Variants in MOXD1 observed in about 807,000 individuals in gnomAD.
MOXD1 encodes monooxygenase DBH like 1.
In MOXD1, 62 loss-of-function variants were observed where a neutral mutation model predicts 66.6. That is an observed-to-expected ratio of 0.93 (90% CI 0.76 to 1.15). The LOEUF is 1.15. MOXD1 is among the 50% of genes most tolerant of loss of function. The pLI is 0.00. For synonymous variants in MOXD1, 303 were observed against 281.9 expected (o/e 1.07, Z -0.75); for missense variants, 847 against 754.6 (o/e 1.12, Z -1.44).
chr6:132,363,548 G>A (rs983634967), intron 4 of MOXD1, among the ~76,000 whole-genome samples: 2 of 151,926 alleles, frequency 1.3e-5, no homozygotes, highest in African/African-American at 4.8e-5. Context: ...GAAGTAGAAG[G>A]CTAGCAAAAT....
chr6:132,319,851 C>G (rs1775039473), intron 9 of MOXD1, among the ~76,000 whole-genome samples: 1 of 152,024 alleles, frequency 6.6e-6, no homozygotes, highest in African/African-American at 2.4e-5. Context: ...CCCCTGTCAA[C>G]AATAAACTTG....
At position 132,359,655 on chromosome 6, in the gene MOXD1, T is replaced by G. The variant is rs188810748; in HGVS notation, c.663+12953A>C. On this transcript the variant is annotated intron_variant, in intron 4 of 11. Transcript: ENST00000367963. ...GCGCCCGCCACGAAGCCCGGCTAAT[T>G]TTTTGTATTTTTAGTAGAGGCGGGG... Among the ~76,000 whole-genome samples, 611 of 152,052 alleles carry G rather than the reference T, an allele frequency of 4.0e-3. 5 individuals carry two copies. Among genetic ancestry groups the G allele is most frequent in the African/African-American group, 0.014 (590 of 41,494 alleles).
At chr6:132,370,433 A>G (rs1776242034) in intron 4 of MOXD1, among the ~76,000 whole-genome samples, 1 of 152,158 alleles carries the variant, frequency 6.6e-6, no homozygotes. Flanking sequence ...TTTTTTCAGT[A>G]GAGTTTTCTT....
chr6:132,359,390 A>G (rs946806625), intron 4 of MOXD1, among the ~76,000 whole-genome samples: 1 of 152,044 alleles, frequency 6.6e-6, no homozygotes, highest in African/African-American at 2.4e-5. Flanking sequence ...ACTTTAAAGA[A>G]CTAAATGGTT....
In MOXD1 at chr6:132,390,946, T is replaced by A. The variant is rs1776747664; in HGVS notation, c.264+10217A>T. Reference sequence around the variant, plus strand: ...TGTTTAAAATGTATCTGATTATACATGTTCTTTCACTATTTAGGAGGAAAA... The same window carrying A: ...TGTTTAAAATGTATCTGATTATACAAGTTCTTTCACTATTTAGGAGGAAAA... On this transcript the variant is annotated intron_variant, in intron 1 of 11. Transcript: ENST00000367963. 1.3e-5 allele frequency: 2 copies of A among 151,594 alleles called. 1 individual carries two copies. The allele number at this position is 151,594 out of a possible 1,614,324, so 9.4% of individuals were successfully genotyped here. A position where few individuals can be genotyped will look rare whatever the true frequency, so the allele number is the denominator to read the frequency against.
chr6:132,297,979 T>C (rs372701030), intron 10 of MOXD1, 24 bp from the exon 11 acceptor site: 486 of 1,587,614 alleles, frequency 3.1e-4, no homozygotes, highest in Non-Finnish European at 3.8e-4. Flanking sequence ...ACACAGTTAG[T>C]CATATTCAGA....
intron 4 of MOXD1, among the ~76,000 whole-genome samples, chr6:132,330,036 C>T (rs1421637786): frequency 6.6e-6 from 1 of 152,146 alleles, no homozygotes; most frequent in Non-Finnish European, 1.5e-5. Flanking sequence ...CCACTTTAGT[C>T]CAAGAACCTA....
Position 132,342,556 on chromosome 6 carries a change from C to CTG in MOXD1, c.664-13964_664-13963dup, listed in dbSNP as rs34853624. ...GCCTTTGTTATTTGTGTATGAGTGT[C>CTG]TGTGTGTGTGTAATTAAGAAAACAC... On this transcript the variant is annotated intron_variant, in intron 4 of 11. Coordinates refer to ENST00000367963, the MANE Select transcript of MOXD1 (RefSeq NM_015529.4). Among the ~76,000 whole-genome samples the CTG allele has an allele frequency of 2.4e-3, 363 of 152,174 alleles. 1 individual carries two copies. Among genetic ancestry groups the CTG allele is most frequent in the Non-Finnish European group, 3.9e-3 (264 of 68,000 alleles).
At chr6:132,341,369 G>A (rs1357160582) in intron 4 of MOXD1, among the ~76,000 whole-genome samples, 3 of 152,168 alleles carry the variant, frequency 2.0e-5, no homozygotes, top group Non-Finnish European at 4.4e-5. Flanking sequence ...AGAACTGTAA[G>A]AAATACGTTT....
chr6:132,343,301 A>C (rs557389121), intron 4 of MOXD1, among the ~76,000 whole-genome samples: 4 of 152,344 alleles, frequency 2.6e-5, no homozygotes, highest in African/African-American at 9.6e-5. Context: ...AAGTCTGGGC[A>C]CAGTGGCTCA....
At chr6:132,313,410 T>A (rs1489136685) in intron 10 of MOXD1, among the ~76,000 whole-genome samples, 1 of 152,232 alleles carries the variant, frequency 6.6e-6, no homozygotes, top group Non-Finnish European at 1.5e-5. Context: ...CTTCTAGTGG[T>A]CATTTTGCTG....
rs1297430537 is a variant in MOXD1, at chr6:132,359,225, TC to T, written c.663+13382del. Reference sequence around the variant, plus strand: ...GCCCCAAACTCCTGGGCTCAAGTGATCCTCTCATTTCGGCCTCCCAACTAGC... The same window carrying T: ...GCCCCAAACTCCTGGGCTCAAGTGATCTCTCATTTCGGCCTCCCAACTAGC... On this transcript the variant is annotated intron_variant, in intron 4 of 11. Coordinates refer to ENST00000367963, the MANE Select transcript of MOXD1 (RefSeq NM_015529.4). Among the ~76,000 whole-genome samples the T allele has an allele frequency of 5.9e-5, 9 of 151,678 alleles. No individual in the cohort carries two copies. In the East Asian group the frequency reaches 1.8e-3, roughly 30 times the overall value.
At chr6:132,341,201 T>C (rs1775554346) in intron 4 of MOXD1, among the ~76,000 whole-genome samples, 1 of 152,146 alleles carries the variant, frequency 6.6e-6, no homozygotes, top group Admixed American at 6.5e-5. Context: ...ATTAAGGCTA[T>C]TACAAAAGGG....
rs557407403 is a variant in MOXD1, at chr6:132,385,963, C to T, written c.265-11186G>A. Among the ~76,000 whole-genome samples, 12 of 149,974 alleles carry T rather than the reference C, an allele frequency of 8.0e-5. No homozygotes were observed. In the South Asian group the frequency reaches 1.1e-3, roughly 13 times the overall value. On this transcript the variant is annotated intron_variant, in intron 1 of 11. Coordinates refer to ENST00000367963, the MANE Select transcript of MOXD1 (RefSeq NM_015529.4). ...CTAAAAGTACAAAAAATTAGCTGGG[C>T]GTGGTGGCGGGCGCCTGTAGTCCCA...
chr6:132,352,960 C>T (rs1775832860), intron 4 of MOXD1, among the ~76,000 whole-genome samples: 1 of 152,082 alleles, frequency 6.6e-6, no homozygotes, highest in East Asian at 1.9e-4. Context: ...AATAGCTACC[C>T]CTGCTTGCTT....
chr6:132,399,231 A>G (rs1410752076), intron 1 of MOXD1, among the ~76,000 whole-genome samples: 1 of 152,218 alleles, frequency 6.6e-6, no homozygotes, highest in Non-Finnish European at 1.5e-5. Flanking sequence ...TAAAATGAGT[A>G]GAATGTTTAT....
intron 1 of MOXD1, among the ~76,000 whole-genome samples, chr6:132,382,044 A>C (rs1776522478): frequency 1.3e-5 from 2 of 152,226 alleles, no homozygotes; most frequent in South Asian, 4.1e-4. Flanking sequence ...TTGAAAAATA[A>C]AAATAGAAAT....
chr6:132,347,847 T>C (rs1371644710), intron 4 of MOXD1, among the ~76,000 whole-genome samples: 1 of 152,156 alleles, frequency 6.6e-6, no homozygotes, highest in Non-Finnish European at 1.5e-5. Flanking sequence ...AACAAATAAA[T>C]GAATAGGAGT....
intron 10 of MOXD1, 112 bp downstream of exon 10, chr6:132,315,523 G>A: frequency 8.1e-7 from 1 of 1,238,234 alleles, no homozygotes. Context: ...TAATCAAATA[G>A]AACAAACAGT....
Sources: gnomAD v4.1 joint callset for allele counts (sites outside exome capture counted in the v4.1 genomes callset) on GRCh38, gnomAD v4.1.1 for gene constraint, MANE v1.5 for transcripts, NCBI Gene and HGNC (gene_info 2026-07-23, HGNC 2026-07-21) for gene names.